Variants in SYNE2 observed in about 807,000 individuals in gnomAD.
SYNE2 encodes spectrin repeat containing nuclear envelope protein 2, also known as nesprin-2.
Under a neutral mutation model 856.3 loss-of-function variants are expected in SYNE2, and 431 were observed. The observed-to-expected ratio is 0.50, with a 90% CI of 0.47 to 0.55. The LOEUF is 0.55. SYNE2 is among the 20% of genes least tolerant of loss of function. The pLI is 0.00. For missense variants in SYNE2, 8,129 were observed against 8,023.2 expected (o/e 1.01, Z -0.50); for synonymous variants, 2,923 against 2,872.3 (o/e 1.02, Z -0.56).
chr14:64,137,593 T>C (rs939446891), intron 78 of SYNE2, among the ~76,000 whole-genome samples, 194 bp from the exon 79 acceptor site: 5 of 152,188 alleles, frequency 3.3e-5, no homozygotes, highest in Non-Finnish European at 7.3e-5. Flanking sequence ...AAATGCAAGA[T>C]TGGACACCTA....
At chr14:63,824,024 A>G (rs1025944299) in intron 1 of SYNE2, among the ~76,000 whole-genome samples, 1 of 152,216 alleles carries the variant, frequency 6.6e-6, no homozygotes, top group African/African-American at 2.4e-5. Context: ...ATGGTAAAAA[A>G]TTAATTTAAT....
At chr14:64,053,914 A>C (rs1299346596) in intron 48 of SYNE2, among the ~76,000 whole-genome samples, 1 of 152,238 alleles carries the variant, frequency 6.6e-6, no homozygotes. Context: ...AGTTGTAATG[A>C]GTCAACATCC....
At chr14:64,006,915 A>C (rs2096800700) in intron 30 of SYNE2, 128 bp from the exon 31 acceptor site, 1 of 731,354 alleles carries the variant, frequency 1.4e-6, no homozygotes, top group Non-Finnish European at 2.4e-6. Flanking sequence ...TGTAACAGGA[A>C]TGTGTAATTT....
intron 1 of SYNE2, among the ~76,000 whole-genome samples, chr14:63,779,825 C>CGCTTGAACTGGG (rs1253404660): frequency 4.6e-5 from 7 of 152,022 alleles, no homozygotes; most frequent in Non-Finnish European, 7.4e-5. Flanking sequence ...GCAGGAGAAT[C>CGCTTGAACTGGG]GCTTGAACTG....
At chr14:64,012,786 A>G (rs1309473753) in intron 32 of SYNE2, among the ~76,000 whole-genome samples, 3 of 152,236 alleles carry the variant, frequency 2.0e-5, no homozygotes, top group African/African-American at 7.2e-5. Context: ...ACTGTCTAAA[A>G]AAGCAGATTT....
At chr14:64,037,569 CT>C (rs199574419) in intron 45 of SYNE2, among the ~76,000 whole-genome samples, 113,163 of 151,174 alleles carry the variant, frequency 0.75, 44,757 homozygotes, top group Non-Finnish European at 0.88. Context: ...ATTTCTCAAT[CT>C]TTTCCCCACC....
chr14:63,998,196 T>C (rs112610959), intron 25 of SYNE2, 23 bp from the exon 26 acceptor site: 1 of 1,497,264 alleles, frequency 6.7e-7, no homozygotes. Context: ...ATATTTCGTT[T>C]ACTATTTTGC....
intron 1 of SYNE2, among the ~76,000 whole-genome samples, chr14:63,831,806 AGTGCTGGGATTACAG>A (rs1024029462): frequency 6.6e-6 from 1 of 151,838 alleles, no homozygotes; most frequent in African/African-American, 2.4e-5. Context: ...AGCCTCCCAA[AGTGCTGGGATTACAG>A]GTGTGAGCCA....
rs78063129 is a variant in SYNE2, at chr14:64,179,067, A to G, written c.17556+1584A>G. Among the ~76,000 whole-genome samples, 1,280 of 152,274 alleles carry G rather than the reference A, an allele frequency of 8.4e-3. 15 individuals are homozygous for G. The highest frequency in any genetic ancestry group is 0.03 in the African/African-American group (1,234 of 41,534). The stretch of plus-strand genomic sequence containing the variant: ...GCTCCACCCTAGATGACAGAGTAAG[A>G]CTGTCTCTAAAAAGTAAACAAAATA... On this transcript the variant is annotated intron_variant, in intron 96 of 115. Transcript: ENST00000555002.
At chr14:64,209,034 C>A in intron 101 of SYNE2, 89 bp downstream of exon 101, 1 of 1,485,698 alleles carries the variant, frequency 6.7e-7, no homozygotes, top group Admixed American at 1.9e-5. Context: ...CTATTCTGTT[C>A]ATTTCACTTA....
At chr14:64,179,319 A>G (rs2098447990) in intron 96 of SYNE2, among the ~76,000 whole-genome samples, 1 of 151,924 alleles carries the variant, frequency 6.6e-6, no homozygotes, top group South Asian at 2.1e-4. Context: ...TTGTATTTTT[A>G]GTAGAGATGG....
chr14:64,104,179 G>A (rs944624932), intron 64 of SYNE2, among the ~76,000 whole-genome samples: 10 of 152,166 alleles, frequency 6.6e-5, no homozygotes, highest in Admixed American at 1.3e-4. Flanking sequence ...TCTTGTTTCA[G>A]CCTCTGGCTA....
At chr14:63,790,070 C>T (rs1488304653) in intron 1 of SYNE2, among the ~76,000 whole-genome samples, 5 of 152,102 alleles carry the variant, frequency 3.3e-5, no homozygotes, top group African/African-American at 1.2e-4. Flanking sequence ...AGGGATTGGC[C>T]GGAAATTGCT....
intron 1 of SYNE2, among the ~76,000 whole-genome samples, chr14:63,853,784 G>A (rs1566615654): frequency 2.0e-5 from 3 of 151,840 alleles, no homozygotes; most frequent in Admixed American, 6.6e-5. Flanking sequence ...GCCTCCGCGG[G>A]GGCGGGGGGG....
At chr14:64,087,517 T>A (rs756490811) in intron 57 of SYNE2, 154 bp from the exon 58 acceptor site, 1 of 830,438 alleles carries the variant, frequency 1.2e-6, no homozygotes, top group East Asian at 2.5e-5. Flanking sequence ...TCACTGTCAT[T>A]GACAATAGAG....
intron 1 of SYNE2, among the ~76,000 whole-genome samples, chr14:63,865,715 C>A (rs1023512828): frequency 3.6e-5 from 2 of 55,402 alleles, no homozygotes; most frequent in African/African-American, 6.1e-5. Flanking sequence ...TCTGTACCCA[C>A]CCCCCCCCCA....
chr14:63,818,701 C>CTTT (rs142248981), intron 1 of SYNE2, among the ~76,000 whole-genome samples: 5 of 133,842 alleles, frequency 3.7e-5, no homozygotes, highest in South Asian at 2.3e-4. Flanking sequence ...TTTTTCTTTT[C>CTTT]TTTTTTTTTT....
intron 1 of SYNE2, among the ~76,000 whole-genome samples, chr14:63,788,439 A>G (rs543901944): frequency 6.6e-6 from 1 of 152,268 alleles, no homozygotes; most frequent in East Asian, 1.9e-4. Flanking sequence ...CTGCAGCTGC[A>G]CCCGGGAGGG....
chr14:64,223,601 A>G (rs1484147603), intron 113 of SYNE2, among the ~76,000 whole-genome samples: 3 of 142,048 alleles, frequency 2.1e-5, no homozygotes, highest in African/African-American at 5.1e-5. Context: ...CGGGATGACA[A>G]TTTTTAAACT....
Sources: allele counts gnomAD v4.1 joint callset (sites outside exome capture counted in the v4.1 genomes callset), GRCh38; gene constraint gnomAD v4.1.1; transcripts MANE v1.5; gene names NCBI Gene and HGNC (gene_info 2026-07-23, HGNC 2026-07-21).